FAM193A: variants seen among roughly 807,000 people sequenced by gnomAD.
FAM193A encodes protein FAM193A.
In FAM193A, 22 loss-of-function variants were observed where a neutral mutation model predicts 126.5. The ratio of observed to expected loss-of-function variants is 0.17; its 90% CI spans 0.12 to 0.25. The LOEUF is 0.25. FAM193A is among the 10% of genes least tolerant of loss of function. The pLI is 1.00. For missense variants in FAM193A, 1,675 were observed against 1,672.8 expected (o/e 1.00, Z -0.02); for synonymous variants, 761 against 646.8 (o/e 1.18, Z -2.68).
At chr4:2,719,999 T>C in intron 20 of FAM193A, 1 of 245,146 alleles carries the variant, frequency 4.1e-6, no homozygotes, top group Non-Finnish European at 8.7e-6. Flanking sequence ...TTCGCCACAT[T>C]GCCCAGGCTG....
rs1451181253 is a variant in FAM193A at position 2,536,946 on chromosome 4, A to C, written c.31A>C (p.Lys11Gln). The C allele has an allele frequency of 6.7e-6, 1 of 149,132 alleles. No homozygotes were observed. The highest frequency in any genetic ancestry group is 1.5e-5 in the Non-Finnish European group (1 of 67,414). The allele number at this position is 149,132 out of a possible 1,614,324, so 9.2% of individuals were successfully genotyped here. The change falls in exon 1 of 21, where the codon AAG (lysine) becomes CAG (glutamine). Residue 11 changes from lysine (K) to glutamine (Q), a missense_variant. Coordinates refer to ENST00000637812, the MANE Select transcript of FAM193A (RefSeq NM_001366318.2). MSPADAKRGA[K>Q]RRKNKRGGGG... ...CCCAGCCGACGCCAAGCGCGGGGCCAAGCGCCGGAAGAACAAGCGGGGCGG... is the reference window on the plus strand; with the variant it reads ...CCCAGCCGACGCCAAGCGCGGGGCCCAGCGCCGGAAGAACAAGCGGGGCGG...
intron 1 of FAM193A, among the ~76,000 whole-genome samples, chr4:2,578,464 C>T (rs934779479): frequency 1.3e-5 from 2 of 151,490 alleles, no homozygotes; most frequent in East Asian, 3.9e-4. Context: ...TTTTTTTCCC[C>T]CCTCAATCTT....
At chr4:2,673,696 C>G (rs1436350586) in intron 13 of FAM193A, among the ~76,000 whole-genome samples, 1 of 152,170 alleles carries the variant, frequency 6.6e-6, no homozygotes, top group Admixed American at 6.5e-5. Flanking sequence ...CCACTCCCTG[C>G]TGTAGCCTGA....
chr4:2,700,339 G>C lies in FAM193A; in HGVS notation c.4167G>C (p.Glu1389Asp), dbSNP rs78288161. ...TGTCCATCACAGAGCAGAAAAGAGA[G>C]GAGAGAAAAGTCAACAGTAATAACA... ...DLMSITEQKREERKVNSNNNN... is the reference protein window; with the variant it reads ...DLMSITEQKRDERKVNSNNNN... The change falls in exon 19 of 21, where the codon GAG (glutamate) becomes GAC (aspartate). Residue 1389 changes from glutamate to aspartate, a missense_variant. Around this residue, in one of 4 missense-constraint regions of FAM193A, gnomAD observed 415 missense variants for 396.7 expected, o/e 1.05. Coordinates refer to ENST00000637812, the MANE Select transcript of FAM193A (RefSeq NM_001366318.2). The C allele has an allele frequency of 6.0e-3, 9,688 of 1,613,992 alleles. 446 individuals carry two copies. The African/African-American group carries it at 0.11, about 18-fold the overall frequency.
At chr4:2,628,803 TGA>T (rs1423343110) in intron 4 of FAM193A, among the ~76,000 whole-genome samples, 1 of 152,088 alleles carries the variant, frequency 6.6e-6, no homozygotes, top group Non-Finnish European at 1.5e-5. Context: ...AATGTGTGTG[TGA>T]GTTAGCGAAT....
At chr4:2,675,742 C>G (rs1714325677) in intron 13 of FAM193A, among the ~76,000 whole-genome samples, 1 of 152,180 alleles carries the variant, frequency 6.6e-6, no homozygotes, top group South Asian at 2.1e-4. Context: ...TCATCCGTCT[C>G]CATAACTCTT....
intron 1 of FAM193A, among the ~76,000 whole-genome samples, chr4:2,545,576 G>A (rs1269478516): frequency 1.3e-5 from 2 of 152,116 alleles, no homozygotes; most frequent in African/African-American, 4.8e-5. Flanking sequence ...GGGTAGAATT[G>A]CTGGGTGTAC....
rs1031842159 is a variant in FAM193A at position 2,696,442 on chromosome 4, A to G, written c.3356A>G (p.Glu1119Gly). The G allele has an allele frequency of 1.2e-6, 2 of 1,614,226 alleles. No homozygotes were observed. Among genetic ancestry groups the G allele is most frequent in the Non-Finnish European group, 1.7e-6 (2 of 1,180,020 alleles). Residue 1119 changes from glutamate to glycine, a missense_variant, in exon 18 of 21, where the codon GAG becomes GGG. Physicochemically the swap from Glu to Gly is moderately conservative, Grantham distance 98. Coordinates refer to ENST00000637812, the MANE Select transcript of FAM193A (RefSeq NM_001366318.2). ...TTACGGCTGACCAAGAGGAAAGAGG[A>G]GCAACCTAAAAAAATGGACCAGATC... ...LRLRLTKRKE[E>G]QPKKMDQISE...
chr4:2,672,449 T>C, intron 13 of FAM193A, 77 bp downstream of exon 13: 1 of 1,523,994 alleles, frequency 6.6e-7, no homozygotes, highest in East Asian at 2.3e-5. Context: ...AACAAAGAAA[T>C]CTGTGAATTA....
At chr4:2,571,377 G>C (rs1209301510) in intron 1 of FAM193A, among the ~76,000 whole-genome samples, 1 of 152,148 alleles carries the variant, frequency 6.6e-6, no homozygotes, top group Admixed American at 6.5e-5. Flanking sequence ...TCGGAGACTG[G>C]TACTTGTTGG....
intron 1 of FAM193A, among the ~76,000 whole-genome samples, chr4:2,565,276 T>TTAAA (rs71178481): frequency 2.1e-5 from 1 of 47,886 alleles, no homozygotes; most frequent in African/African-American, 8.1e-5. Flanking sequence ...TTTTTTTTTT[T>TTAAA]AAAAGATGCA....
chr4:2,718,255 CAAAT>C lies in FAM193A; in HGVS notation c.4454+2156_4454+2159del, dbSNP rs567379005. Among the ~76,000 whole-genome samples the C allele has an allele frequency of 9.4e-4, 142 of 151,002 alleles. 1 individual carries two copies. The highest frequency in any genetic ancestry group is 1.1e-3 in the African/African-American group (45 of 41,110). ...CTAAAATATGATTGATTGAAAACAC[CAAAT>C]AAATCTTTAGGAGACAGATTAAGAA... On this transcript the variant is annotated intron_variant, in intron 20 of 20. Transcript: ENST00000637812.
chr4:2,678,068 G>A (rs1342330153), intron 13 of FAM193A, among the ~76,000 whole-genome samples: 5 of 152,116 alleles, frequency 3.3e-5, no homozygotes, highest in Admixed American at 1.3e-4. Flanking sequence ...GCATGATCCC[G>A]CTCACTGCAA....
chr4:2,613,170 G>T (rs962530962), intron 2 of FAM193A, among the ~76,000 whole-genome samples: 1 of 152,122 alleles, frequency 6.6e-6, no homozygotes, highest in Admixed American at 6.6e-5. Context: ...AGGCACAGTG[G>T]CTCATACCTG....
rs1740846647 is a variant in FAM193A at position 2,596,123 on chromosome 4, T to C, written c.295T>C (p.Tyr99His). ...TGGCATGAATCATAGGACACCACCCTACCCTGCTGGGGATTATTGTCTTCT... is the reference window on the plus strand; with the variant it reads ...TGGCATGAATCATAGGACACCACCCCACCCTGCTGGGGATTATTGTCTTCT... ...SFGMNHRTPP[Y>H]PAGDYCLLCR... The change falls in exon 2 of 21, where the codon TAC (tyrosine) becomes CAC (histidine). Residue 99 changes from tyrosine (Y) to histidine (H), a missense_variant. Coordinates refer to ENST00000637812, the MANE Select transcript of FAM193A (RefSeq NM_001366318.2). The C allele has an allele frequency of 1.4e-6, 1 of 702,876 alleles. No homozygotes were observed. The highest frequency in any genetic ancestry group is 1.7e-5 in the African/African-American group (1 of 57,248). The allele number at this position is 702,876 out of a possible 1,614,324, so 43.5% of individuals were successfully genotyped here. A position where few individuals can be genotyped will look rare whatever the true frequency, so the allele number is the denominator to read the frequency against.
At chr4:2,728,466 T>C (rs1195496670) in intron 20 of FAM193A, among the ~76,000 whole-genome samples, 1 of 152,088 alleles carries the variant, frequency 6.6e-6, no homozygotes, top group Non-Finnish European at 1.5e-5. Context: ...CACCTGGCAT[T>C]TGTGCATAGA....
intron 20 of FAM193A, among the ~76,000 whole-genome samples, chr4:2,716,518 G>T (rs1719554483): frequency 6.6e-6 from 1 of 152,198 alleles, no homozygotes; most frequent in Admixed American, 6.5e-5. Flanking sequence ...CCTTCCGGGT[G>T]ACCCTCACAT....
intron 19 of FAM193A, among the ~76,000 whole-genome samples, chr4:2,713,250 A>G (rs1051961809): frequency 6.7e-6 from 1 of 149,846 alleles, no homozygotes; most frequent in Non-Finnish European, 1.5e-5. Context: ...TACTAAAAAT[A>G]CAAAAGTTAG....
rs1421260067 is a variant in FAM193A, at chr4:2,700,433, C to T, written c.4261C>T (p.Pro1421Ser). Residue 1421 changes from proline (P) to serine (S), a missense_variant, in exon 19 of 21, where the codon CCC (proline) becomes TCC (serine). Coordinates refer to ENST00000637812, the MANE Select transcript of FAM193A (RefSeq NM_001366318.2). ...SNPTPMEPTSPGEHQQNSKLV... is the reference protein window; with the variant it reads ...SNPTPMEPTSSGEHQQNSKLV... ...CCCAACCCCTATGGAGCCCACCTCT[C>T]CCGGTGAGCATCAGCAGAACAGCAA... The T allele has an allele frequency of 4.3e-6, 7 of 1,614,182 alleles. No homozygotes were observed. The East Asian group carries it at 1.1e-4, about 26-fold the overall frequency.
Sources: allele counts gnomAD v4.1 joint callset (sites outside exome capture counted in the v4.1 genomes callset), GRCh38; gene constraint gnomAD v4.1.1; regional missense constraint gnomAD v4.1.1; transcripts MANE v1.5; gene names NCBI Gene and HGNC (gene_info 2026-07-23, HGNC 2026-07-21).